TFR2: variants seen among roughly 807,000 people sequenced by gnomAD.
TFR2 encodes the protein transferrin receptor protein 2.
Under a neutral mutation model 91.9 loss-of-function variants are expected in TFR2, and 64 were observed. That is an observed-to-expected ratio of 0.70 (90% CI 0.57 to 0.86). TFR2 has a LOEUF of 0.86. Among genes scored for constraint, TFR2 ranks in the 40% least tolerant of loss-of-function variants. The pLI is 0.00. For synonymous variants in TFR2, 454 were observed against 459.6 expected, an observed-to-expected ratio of 0.99 and a Z score of 0.15; for missense variants, 950 against 1,080.5, an observed-to-expected ratio of 0.88 and a Z score of 1.69.
Position 100,628,224 on chromosome 7 carries a change from C to T in TFR2, c.1473G>A (p.Glu491=), listed in dbSNP as rs139178017. 4.1e-3 allele frequency: 6,576 copies of T among 1,613,886 alleles called. 21 individuals are homozygous for T. The highest frequency in any genetic ancestry group is 4.8e-3 in the Non-Finnish European group (5,631 of 1,179,902). Residue 491 remains glutamate (E), a splice_region_variant and synonymous_variant, in exon 11 of 18, where the codon GAG becomes GAA. Coordinates refer to ENST00000223051, the MANE Select transcript of TFR2 (RefSeq NM_003227.4). ...CGACCTGCCCGGGACCCCGTATCAC[C>T]TCTAGCCACTCCGTGGAGCCCACGC... ...FGSVGSTEWL[E]GYLSVLHLKA...
chr7:100,631,977 C>T (rs780816037), intron 7 of TFR2, 32 bp from the exon 8 acceptor site: 19 of 1,613,922 alleles, frequency 1.2e-5, no homozygotes, highest in Admixed American at 6.7e-5. Context: ...CGCAAAGCTG[C>T]GAGCTGGGCT....
chr7:100,625,121 G>A (rs1357580039), intron 17 of TFR2, among the ~76,000 whole-genome samples: 1 of 144,716 alleles, frequency 6.9e-6, no homozygotes, highest in African/African-American at 2.6e-5. Context: ...GTGCAATGGC[G>A]TGCTCTCGGC....
rs559059469 is a variant in TFR2 at position 100,629,484 on chromosome 7, G to A, written c.1271-112C>T. On this transcript the variant is annotated intron_variant, in intron 9 of 17. Coordinates refer to ENST00000223051, the MANE Select transcript of TFR2 (RefSeq NM_003227.4). ...TCACAATTCCGGCAACCCTAGCCCTGCAGTCCCTCCAGTCCCTAAAGAGGG... is the reference window on the plus strand; with the variant it reads ...TCACAATTCCGGCAACCCTAGCCCTACAGTCCCTCCAGTCCCTAAAGAGGG... 15 of 1,581,258 alleles carry A rather than the reference G, an allele frequency of 9.5e-6. No homozygotes were observed. In the African/African-American group the frequency reaches 2.0e-4, roughly 21 times the overall value.
rs181909982 is a variant in TFR2, at chr7:100,625,791, G to A, written c.2136+972C>T. 1.2e-4 allele frequency among the ~76,000 whole-genome samples: 19 copies of A among 152,168 alleles called. No individual in the cohort carries two copies. In the East Asian group the frequency reaches 3.7e-3, roughly 29 times the overall value. ...TCCCAGCTACTAGGGAGGCTGAGGT[G>A]GGAGGATCACTTGAGCCCAGGAGTT... is the stretch of plus-strand genomic sequence containing the variant. On this transcript the variant is annotated intron_variant, in intron 17 of 17. Transcript: ENST00000223051.
chr7:100,630,238 C>T (rs954321588), intron 9 of TFR2, among the ~76,000 whole-genome samples: 12 of 137,374 alleles, frequency 8.7e-5, no homozygotes, highest in East Asian at 2.1e-4. Flanking sequence ...CTTCCTTTCT[C>T]TCTCTCTCTT....
intron 8 of TFR2, 73 bp from the exon 9 acceptor site, chr7:100,631,125 T>C (rs1309236946): frequency 1.6e-5 from 23 of 1,415,650 alleles, no homozygotes; most frequent in Non-Finnish European, 2.0e-5. Flanking sequence ...CTTTTCCTTA[T>C]TTCTTTCCCT....
Position 100,641,194 on chromosome 7 carries a change from T to TAG in TFR2, c.66_67dup (p.Tyr23SerfsTer35). On this transcript the variant is annotated frameshift_variant, in exon 2 of 18. Coordinates refer to ENST00000223051, the MANE Select transcript of TFR2 (RefSeq NM_003227.4). LOFTEE classifies it high-confidence loss of function. ...TTTCCGGGGGCCTTCCACACGCTGG[T>TAG]AGACGGTCTGAGAGGATCTTGGGGA... 6.5e-7 allele frequency: 1 copy of TAG among 1,532,204 alleles called. No homozygotes were observed. The highest frequency in any genetic ancestry group is 8.8e-7 in the Non-Finnish European group (1 of 1,137,286). The allele number at this position is 1,532,204 out of a possible 1,614,324, so 94.9% of individuals were successfully genotyped here.
intron 17 of TFR2, among the ~76,000 whole-genome samples, chr7:100,622,895 G>A (rs1053398946): frequency 3.9e-5 from 6 of 152,160 alleles, no homozygotes; most frequent in Admixed American, 2.6e-4. Flanking sequence ...AGAGGCGGAC[G>A]TTGCAGTGAG....
intron 3 of TFR2, among the ~76,000 whole-genome samples, chr7:100,639,592 A>G (rs944819844): frequency 4.6e-5 from 7 of 151,488 alleles, no homozygotes; most frequent in African/African-American, 1.7e-4. Context: ...AAAAAAAAAA[A>G]CGTAGAAGGT....
chr7:100,625,534 G>A (rs190443466), intron 17 of TFR2, among the ~76,000 whole-genome samples: 2 of 152,254 alleles, frequency 1.3e-5, no homozygotes, highest in East Asian at 3.9e-4. Context: ...GGTCACCCCT[G>A]TTCCAGTAGA....
In TFR2 at chr7:100,641,128, G is replaced by GC; in HGVS notation, c.133dup (p.Ala45GlyfsTer16). ...GGGGCAGAAGTGGGCCAATGTCTCC[G>GC]CCCCCTCCTCCCCGTCTTCCTCTTC... On this transcript the variant is annotated frameshift_variant, in exon 2 of 18. Coordinates refer to ENST00000223051, the MANE Select transcript of TFR2 (RefSeq NM_003227.4). LOFTEE classifies it high-confidence loss of function. 1 of 1,566,378 alleles carries GC rather than the reference G, an allele frequency of 6.4e-7. No homozygotes were observed. The highest frequency in any genetic ancestry group is 8.7e-7 in the Non-Finnish European group (1 of 1,155,878).
intron 17 of TFR2, among the ~76,000 whole-genome samples, chr7:100,622,603 C>T (rs1208679018): frequency 6.6e-6 from 1 of 152,206 alleles, no homozygotes; most frequent in Non-Finnish European, 1.5e-5. Flanking sequence ...ATAATACTAG[C>T]AACCTCAGCG....
At position 100,626,644 on chromosome 7, in the gene TFR2, G is replaced by A. The variant is rs1318500770; in HGVS notation, c.2136+119C>T. 2.7e-6 allele frequency: 4 copies of A among 1,490,742 alleles called. No homozygotes were observed. In the African/African-American group the frequency reaches 4.1e-5, roughly 15 times the overall value. The allele number at this position is 1,490,742 out of a possible 1,614,324, so 92.3% of individuals were successfully genotyped here. ...CAGGACTGGGAAGAGAGCATCCAGA[G>A]GACCGGGACTGTGTAGGCGGGGAGA... On this transcript the variant is annotated intron_variant, in intron 17 of 17. Transcript: ENST00000223051.
intron 16 of TFR2, 110 bp from the exon 17 acceptor site, chr7:100,627,013 C>CT: frequency 6.9e-7 from 1 of 1,451,372 alleles, no homozygotes; most frequent in Non-Finnish European, 9.1e-7. Context: ...GACCCCTGGC[C>CT]GCAGGAGGGA....
chr7:100,621,674 T>G (rs1373190605), intron 17 of TFR2, among the ~76,000 whole-genome samples: 14 of 152,120 alleles, frequency 9.2e-5, no homozygotes. Flanking sequence ...GTTCCCTTCT[T>G]AACACCACAC....
At chr7:100,625,960 C>G (rs1161465038) in intron 17 of TFR2, among the ~76,000 whole-genome samples, 1 of 152,100 alleles carries the variant, frequency 6.6e-6, no homozygotes, top group African/African-American at 2.4e-5. Flanking sequence ...ATAACATGAG[C>G]CTCCAAGGGG....
intron 17 of TFR2, 38 bp from the exon 18 acceptor site, chr7:100,621,164 C>G (rs1297529377): frequency 4.8e-6 from 7 of 1,450,776 alleles, no homozygotes; most frequent in Non-Finnish European, 3.6e-6. Context: ...GTTGGGGGCT[C>G]TGGCTCGGGA....
chr7:100,627,511 G>A lies in TFR2; in HGVS notation c.1768-20C>T, dbSNP rs779551068. Reference sequence around the variant, plus strand: ...GTCGTCCTGCCAGGACAGGGTGGACGCTGGGGCGGAGGCAGACAGGCTGAA... The same window carrying A: ...GTCGTCCTGCCAGGACAGGGTGGACACTGGGGCGGAGGCAGACAGGCTGAA... On this transcript the variant is annotated intron_variant, in intron 15 of 17. Coordinates refer to ENST00000223051, the MANE Select transcript of TFR2 (RefSeq NM_003227.4). 26 of 1,613,432 alleles carry A rather than the reference G, an allele frequency of 1.6e-5. No individual in the cohort carries two copies. Among genetic ancestry groups the A allele is most frequent in the Admixed American group, 5.0e-5 (3 of 59,856 alleles).
intron 17 of TFR2, among the ~76,000 whole-genome samples, chr7:100,624,398 A>G (rs1201990095): frequency 1.3e-5 from 2 of 152,204 alleles, no homozygotes; most frequent in African/African-American, 4.8e-5. Context: ...TCAAGATCCA[A>G]GTCACAGTCT....
Sources: allele counts gnomAD v4.1 joint callset (sites outside exome capture counted in the v4.1 genomes callset), GRCh38; gene constraint gnomAD v4.1.1; transcripts MANE v1.5; gene names NCBI Gene and HGNC (gene_info 2026-07-23, HGNC 2026-07-21).